Variants in HMGB1 observed in about 807,000 individuals in gnomAD.
HMGB1 encodes high mobility group protein B1.
For missense variants in HMGB1, 79 were observed against 253.5 expected, an observed-to-expected ratio of 0.31 and a Z score of 4.67; for synonymous variants, 81 against 84.0, an observed-to-expected ratio of 0.96 and a Z score of 0.19.
chr13:30,590,349 G>T (rs1871315897), intron 1 of HMGB1, among the ~76,000 whole-genome samples: 1 of 151,508 alleles, frequency 6.6e-6, no homozygotes, highest in African/African-American at 2.4e-5. Flanking sequence ...TTAGAGACTG[G>T]GTTATGAGAC....
chr13:30,483,440 T>A (rs1034662644), intron 1 of HMGB1, among the ~76,000 whole-genome samples: 1 of 152,024 alleles, frequency 6.6e-6, no homozygotes, highest in African/African-American at 2.4e-5. Context: ...TCCCTGTCAC[T>A]TCCCTTCATT....
At chr13:30,597,196 C>A (rs1488460053) in intron 1 of HMGB1, among the ~76,000 whole-genome samples, 1 of 150,002 alleles carries the variant, frequency 6.7e-6, no homozygotes, top group Non-Finnish European at 1.5e-5. Context: ...CATGGAGTGA[C>A]CTAATCCAAT....
intron 1 of HMGB1, chr13:30,553,855 A>G: frequency 7.5e-7 from 1 of 1,325,220 alleles, no homozygotes; most frequent in Non-Finnish European, 1.1e-6. Flanking sequence ...GTTAAACTGC[A>G]GAATACTGAG....
chr13:30,524,894 C>G (rs1888330026), intron 1 of HMGB1, among the ~76,000 whole-genome samples: 3 of 152,098 alleles, frequency 2.0e-5, no homozygotes. Context: ...TTAATTGGAA[C>G]CTTGCCTGTG....
At chr13:30,510,880 C>G (rs1378739915) in intron 1 of HMGB1, among the ~76,000 whole-genome samples, 1 of 152,200 alleles carries the variant, frequency 6.6e-6, no homozygotes, top group Non-Finnish European at 1.5e-5. Flanking sequence ...CTCAGTTTCT[C>G]TCCAAATTCT....
intron 1 of HMGB1, among the ~76,000 whole-genome samples, chr13:30,494,489 G>GCC (rs1887568000): frequency 6.6e-6 from 1 of 152,078 alleles, no homozygotes; most frequent in African/African-American, 2.4e-5. Context: ...AGCCTCCGGT[G>GCC]TAGCTGGGAT....
chr13:30,528,882 A>T (rs1223360344), intron 1 of HMGB1, among the ~76,000 whole-genome samples: 1 of 152,004 alleles, frequency 6.6e-6, no homozygotes, highest in Non-Finnish European at 1.5e-5. Flanking sequence ...CAAAAAAATT[A>T]GCCAGGCGTG....
chr13:30,464,677 C>G, intron 1 of HMGB1: 2 of 976,274 alleles, frequency 2.0e-6, no homozygotes, highest in Non-Finnish European at 2.4e-6. Flanking sequence ...GGCCGGCGCG[C>G]ACGGAATGGC....
chr13:30,465,533 C>T (rs1886730746), intron 1 of HMGB1, among the ~76,000 whole-genome samples: 2 of 151,080 alleles, frequency 1.3e-5, no homozygotes, highest in South Asian at 2.1e-4. Context: ...CCAGTCAGCG[C>T]GGACGCCGCC....
intron 1 of HMGB1, among the ~76,000 whole-genome samples, chr13:30,525,792 G>A (rs1888350257): frequency 6.6e-6 from 1 of 150,412 alleles, no homozygotes; most frequent in African/African-American, 2.4e-5. Context: ...TGGCCCCTGT[G>A]ATTCAATTAC....
At chr13:30,522,126 T>TG (rs1566014043) in intron 1 of HMGB1, among the ~76,000 whole-genome samples, 7 of 148,290 alleles carry the variant, frequency 4.7e-5, no homozygotes, top group Admixed American at 6.8e-5. Flanking sequence ...TTTTTTTTTT[T>TG]GGGCAAGACA....
chr13:30,490,933 A>G (rs911800123), intron 1 of HMGB1, among the ~76,000 whole-genome samples: 3 of 152,182 alleles, frequency 2.0e-5, no homozygotes, highest in Non-Finnish European at 2.9e-5. Flanking sequence ...ATTCCACTAG[A>G]TATCTTCACC....
chr13:30,552,229 CT>C (rs1229987484), intron 1 of HMGB1, among the ~76,000 whole-genome samples: 3 of 152,166 alleles, frequency 2.0e-5, no homozygotes, highest in African/African-American at 7.2e-5. Context: ...TGTTCACTTG[CT>C]TTTCCCCATC....
At chr13:30,607,723 G>C (rs1950474170) in intron 1 of HMGB1, among the ~76,000 whole-genome samples, 1 of 152,122 alleles carries the variant, frequency 6.6e-6, no homozygotes, top group Admixed American at 6.5e-5. Flanking sequence ...TACTGATACA[G>C]AAATAGAGCT....
intron 1 of HMGB1, among the ~76,000 whole-genome samples, chr13:30,517,142 G>A (rs1843172128): frequency 6.6e-6 from 1 of 152,132 alleles, no homozygotes; most frequent in Admixed American, 6.5e-5. Context: ...ACTTTAGCAG[G>A]TTTTAGAACC....
At chr13:30,519,484 A>G (rs547083352) in intron 1 of HMGB1, among the ~76,000 whole-genome samples, 2 of 151,160 alleles carry the variant, frequency 1.3e-5, no homozygotes, top group Admixed American at 1.3e-4. Context: ...TCACGAGGTC[A>G]GGAGATCGAG....
Position 30,463,611 on chromosome 13 carries a change from G to T in HMGB1, c.70C>A (p.Arg24=). The change falls in exon 2 of 5, where the codon CGG becomes AGG. Residue 24 remains arginine (R), a synonymous_variant. Transcript: ENST00000341423. ...GGGTGCTTCTTCTTATGCTCCTCCC[G>T]ACAAGTTTGCACAAAAAATGCATAT... ...SSYAFFVQTC[R]EEHKKKHPDA... is the part of the protein sequence containing the mutation. The T allele has an allele frequency of 6.2e-7, 1 of 1,601,842 alleles. No individual in the cohort carries two copies. Among genetic ancestry groups the T allele is most frequent in the South Asian group, 1.1e-5 (1 of 90,508 alleles).
At chr13:30,569,601 C>T (rs543739986) in intron 1 of HMGB1, among the ~76,000 whole-genome samples, 3 of 152,192 alleles carry the variant, frequency 2.0e-5, no homozygotes, top group East Asian at 3.9e-4. Context: ...TTCATAAGTG[C>T]GTCACTTGTC....
At chr13:30,577,467 C>A (rs1038307788) in intron 1 of HMGB1, among the ~76,000 whole-genome samples, 13 of 152,154 alleles carry the variant, frequency 8.5e-5, no homozygotes, top group African/African-American at 3.1e-4. Flanking sequence ...GCTTGCACCG[C>A]CCAGTCTGTG....
Sources: allele counts gnomAD v4.1 joint callset (sites outside exome capture counted in the v4.1 genomes callset), GRCh38; gene constraint gnomAD v4.1.1; transcripts MANE v1.5; gene names NCBI Gene and HGNC (gene_info 2026-07-23, HGNC 2026-07-21).